Variants in SS18 observed in about 807,000 individuals in gnomAD.
SS18 encodes SS18 subunit of BAF chromatin remodeling complex, also known as protein SSXT.
Under a neutral mutation model 72.5 loss-of-function variants are expected in SS18, and 28 were observed. The observed-to-expected ratio is 0.39, with a 90% CI of 0.29 to 0.53. The LOEUF is 0.53. Among genes scored for constraint, SS18 ranks in the 20% least tolerant of loss-of-function variants. The pLI is 0.76. For synonymous variants in SS18, 172 were observed against 164.2 expected, an observed-to-expected ratio of 1.05 and a Z score of -0.37; for missense variants, 518 against 535.3, an observed-to-expected ratio of 0.97 and a Z score of 0.32.
At chr18:26,059,366 A>C (rs1375203554) in intron 3 of SS18, among the ~76,000 whole-genome samples, 2 of 152,206 alleles carry the variant, frequency 1.3e-5, no homozygotes, top group African/African-American at 2.4e-5. Flanking sequence ...AATTGGACTA[A>C]GGAAAAAAAA....
chr18:26,048,066 G>A (rs1306058803), intron 5 of SS18, among the ~76,000 whole-genome samples: 1 of 152,146 alleles, frequency 6.6e-6, no homozygotes, highest in African/African-American at 2.4e-5. Flanking sequence ...AATAATTGAA[G>A]AAATTAAGTT....
chr18:26,082,271 T>C (rs903513594), intron 2 of SS18: 12 of 604,714 alleles, frequency 2.0e-5, no homozygotes, highest in African/African-American at 1.4e-4. Context: ...AACTCATCAA[T>C]TACTTTGAAT....
Position 26,086,379 on chromosome 18 carries a change from A to C in SS18, c.146+1122T>G, listed in dbSNP as rs1031321929. Among the ~76,000 whole-genome samples, 38 of 152,228 alleles carry C rather than the reference A, an allele frequency of 2.5e-4. 1 individual carries two copies. Among genetic ancestry groups the C allele is most frequent in the African/African-American group, 8.0e-4 (33 of 41,470 alleles). ...AATCCAAAATGAGATGTGTTATTAA[A>C]GCAAGATACACAATAGGTTTCCAAG... On this transcript the variant is annotated intron_variant, in intron 2 of 10. Transcript: ENST00000415083.
chr18:26,086,680 T>A (rs1327668040), intron 2 of SS18, among the ~76,000 whole-genome samples: 1 of 152,228 alleles, frequency 6.6e-6, no homozygotes, highest in East Asian at 1.9e-4. Context: ...TAGGGCATAT[T>A]ATTTACTTCA....
chr18:26,076,861 A>G (rs139775024), intron 3 of SS18, among the ~76,000 whole-genome samples: 112 of 152,112 alleles, frequency 7.4e-4, no homozygotes, highest in Non-Finnish European at 1.4e-3. Flanking sequence ...AGATAATAAA[A>G]ACAAAAATAT....
chr18:26,026,269 G>A (rs2053445926), intron 10 of SS18, among the ~76,000 whole-genome samples: 1 of 152,076 alleles, frequency 6.6e-6, no homozygotes, highest in South Asian at 2.1e-4. Context: ...CAAAATTTTA[G>A]CTAATCAACC....
rs537268642 is a variant in SS18 at position 26,035,693 on chromosome 18, G to C, written c.973+138C>G. The C allele has an allele frequency of 4.4e-6, 2 of 454,278 alleles. No individual in the cohort carries two copies. Among genetic ancestry groups the C allele is most frequent in the African/African-American group, 4.0e-5 (2 of 49,458 alleles). 28.1% of individuals were successfully genotyped at this position (454,278 alleles called of 1,614,324 possible). Reference sequence around the variant, plus strand: ...TAAGGAAATTATTTTGATTGTTTTGGGCTCCCTGCAACTTTCAAGAAAGCC... The same window carrying C: ...TAAGGAAATTATTTTGATTGTTTTGCGCTCCCTGCAACTTTCAAGAAAGCC... On this transcript the variant is annotated intron_variant, in intron 8 of 10. Coordinates refer to ENST00000415083, the MANE Select transcript of SS18 (RefSeq NM_001007559.3). This position sits in a 1 kb window ranked among gnomAD's most constrained non-coding sequence, Gnocchi z 4.4.
In SS18 at chr18:26,039,359, C is replaced by A; in HGVS notation, c.705G>T (p.Met235Ile). 1 of 1,613,858 alleles carries A rather than the reference C, an allele frequency of 6.2e-7. No individual in the cohort carries two copies. The highest frequency in any genetic ancestry group is 8.5e-7 in the Non-Finnish European group (1 of 1,179,880). The change falls in exon 6 of 11, where the codon ATG becomes ATT. Residue 235 changes from methionine (M) to isoleucine (I), a missense_variant. Physicochemically the swap from Met to Ile is conservative, Grantham distance 10. Transcript: ENST00000415083. ...TATGATTGCCTTGGTTAACTTGACC[C>A]ATCATTCCCATAGGTGGCTGCTGTC... ...YQGQQPPMGM[M>I]GQVNQGNHMM...
rs1598515459 is a variant in SS18, at chr18:26,017,853, T to C, written c.*501A>G. On this transcript the variant is annotated 3_prime_UTR_variant, in exon 11 of 11. Coordinates refer to ENST00000415083, the MANE Select transcript of SS18 (RefSeq NM_001007559.3). ...CAATCAAGCATCTACCATGTTCCAG[T>C]CCACATTAACAGAGGATTTCTGATG... The C allele has an allele frequency of 4.4e-6, 1 of 229,140 alleles. No individual in the cohort carries two copies. The highest frequency in any genetic ancestry group is 6.3e-5 in the East Asian group (1 of 15,804). The allele number at this position is 229,140 out of a possible 1,614,324, so 14.2% of individuals were successfully genotyped here.
At chr18:26,062,216 A>G (rs1362200318) in intron 3 of SS18, among the ~76,000 whole-genome samples, 1 of 152,136 alleles carries the variant, frequency 6.6e-6, no homozygotes, top group Non-Finnish European at 1.5e-5. Flanking sequence ...AGCTAAGATC[A>G]CACCACTACA....
At chr18:26,019,415 G>A (rs1045074111) in intron 10 of SS18, among the ~76,000 whole-genome samples, 3 of 151,994 alleles carry the variant, frequency 2.0e-5, no homozygotes, top group Non-Finnish European at 4.4e-5. Context: ...TCTACCATAA[G>A]AAATGGTACC....
intron 3 of SS18, among the ~76,000 whole-genome samples, chr18:26,072,334 CTT>C (rs1301115555): frequency 2.7e-5 from 4 of 148,202 alleles, no homozygotes; most frequent in Non-Finnish European, 5.9e-5. Flanking sequence ...AATCCCAGCA[CTT>C]TGATTGCTAG....
intron 2 of SS18, among the ~76,000 whole-genome samples, chr18:26,081,915 G>A (rs2054530753): frequency 6.6e-6 from 1 of 151,956 alleles, no homozygotes; most frequent in Non-Finnish European, 1.5e-5. Flanking sequence ...AAAATTAGCT[G>A]AGCATGGTGG....
At chr18:26,075,023 C>T (rs556713245) in intron 3 of SS18, among the ~76,000 whole-genome samples, 1 of 151,858 alleles carries the variant, frequency 6.6e-6, no homozygotes, top group Admixed American at 6.6e-5. Flanking sequence ...CCACAACTTA[C>T]CAAAATAGGC....
chr18:26,055,759 T>G (rs149392693), intron 4 of SS18, among the ~76,000 whole-genome samples: 2,351 of 146,896 alleles, frequency 0.016, 64 homozygotes, highest in African/African-American at 0.057. Flanking sequence ...CTGTTTTTTT[T>G]TTTTTTGTTT....
intron 3 of SS18, among the ~76,000 whole-genome samples, chr18:26,072,664 G>T (rs182702956): frequency 6.6e-6 from 1 of 151,464 alleles, no homozygotes; most frequent in African/African-American, 2.4e-5. Context: ...AGGCGTAGTG[G>T]CGGGCGCCTG....
intron 5 of SS18, among the ~76,000 whole-genome samples, chr18:26,039,915 T>C (rs894406207): frequency 6.6e-6 from 1 of 152,226 alleles, no homozygotes; most frequent in Admixed American, 6.5e-5. Flanking sequence ...ATTTTTACTT[T>C]GTTCTCTTTT....
chr18:26,033,007 T>C (rs1258834860), intron 9 of SS18, among the ~76,000 whole-genome samples: 1 of 152,232 alleles, frequency 6.6e-6, no homozygotes, highest in African/African-American at 2.4e-5. Flanking sequence ...CAAAAGTATA[T>C]GTCTATACTA....
At chr18:26,072,566 G>C (rs892275671) in intron 3 of SS18, among the ~76,000 whole-genome samples, 4 of 152,014 alleles carry the variant, frequency 2.6e-5, no homozygotes, top group African/African-American at 9.7e-5. Context: ...GGGAGGCCAA[G>C]GCAGACGGAT....
Sources: gnomAD v4.1 joint callset for allele counts (sites outside exome capture counted in the v4.1 genomes callset) on GRCh38, gnomAD v4.1.1 for gene constraint, Gnocchi (gnomAD v3.1) non-coding constraint, MANE v1.5 for transcripts, NCBI Gene and HGNC (gene_info 2026-07-23, HGNC 2026-07-21) for gene names.